SFXN1: variants seen among roughly 807,000 people sequenced by gnomAD.
SFXN1 encodes the protein sideroflexin 1.
In SFXN1, 32 loss-of-function variants were observed where a neutral mutation model predicts 39.5. The observed-to-expected ratio is 0.81, with a 90% confidence interval of 0.61 to 1.09. The LOEUF (loss-of-function observed/expected upper bound fraction) is 1.09, where lower values mean the gene tolerates loss of function less well. SFXN1 is among the 50% of genes least tolerant of loss of function. SFXN1 has a pLI of 0.00. For missense variants in SFXN1, 402 were observed against 407.1 expected, an observed-to-expected ratio of 0.99 and a Z score of 0.11; for synonymous variants, 136 against 146.5, an observed-to-expected ratio of 0.93 and a Z score of 0.52.
chr5:175,529,593 T>C lies in SFXN1; in HGVS notation c.*2859T>C, dbSNP rs955715861. On this transcript the variant is annotated 3_prime_UTR_variant, in exon 11 of 11. Coordinates refer to ENST00000321442, the MANE Select transcript of SFXN1 (RefSeq NM_022754.7). The stretch of plus-strand genomic sequence containing the variant: ...AGCTAAGTAGTTATTAATATTTCTA[T>C]TAACATGATACAAAGGATGATGATT... 2 of 152,258 alleles carry C rather than the reference T, an allele frequency of 1.3e-5. No homozygotes were observed. Among genetic ancestry groups the C allele is most frequent in the African/African-American group, 4.8e-5 (2 of 41,468 alleles). The allele number at this position is 152,258 out of a possible 1,614,324, so 9.4% of individuals were successfully genotyped here. A position where few individuals can be genotyped will look rare whatever the true frequency, so the allele number is the denominator to read the frequency against.
intron 3 of SFXN1, among the ~76,000 whole-genome samples, chr5:175,509,741 T>C (rs1401561032): frequency 6.6e-6 from 1 of 152,188 alleles, no homozygotes; most frequent in Non-Finnish European, 1.5e-5. Flanking sequence ...CATAGACATA[T>C]AGCATTGCAA....
chr5:175,505,415 T>C (rs1760250962), intron 2 of SFXN1, among the ~76,000 whole-genome samples: 1 of 151,162 alleles, frequency 6.6e-6, no homozygotes, highest in Admixed American at 6.6e-5. Context: ...CGGGTGCCTG[T>C]AATCCCAGTT....
chr5:175,494,511 G>C (rs1193441946), intron 2 of SFXN1, among the ~76,000 whole-genome samples: 1 of 152,158 alleles, frequency 6.6e-6, no homozygotes, highest in East Asian at 1.9e-4. Context: ...ACTTTGGGAG[G>C]CCAAGGTGGG....
rs1316320511 is a variant in SFXN1 at position 175,528,049 on chromosome 5, A to T, written c.*1315A>T. 3.3e-5 allele frequency: 5 copies of T among 151,358 alleles called. No individual in the cohort carries two copies. The highest frequency in any genetic ancestry group is 4.2e-4 in the South Asian group (2 of 4,786). 9.4% of individuals were successfully genotyped at this position (151,358 alleles called of 1,614,324 possible). A position where few individuals can be genotyped will look rare whatever the true frequency, so the allele number is the denominator to read the frequency against. ...GTTCTCCTGCCTCAGCCTCTCTGAGAAGCTGGGACTACAGGCGCCCGCCAC... is the reference window on the plus strand; with the variant it reads ...GTTCTCCTGCCTCAGCCTCTCTGAGTAGCTGGGACTACAGGCGCCCGCCAC... On this transcript the variant is annotated 3_prime_UTR_variant, in exon 11 of 11. Coordinates refer to ENST00000321442, the MANE Select transcript of SFXN1 (RefSeq NM_022754.7).
intron 7 of SFXN1, among the ~76,000 whole-genome samples, chr5:175,515,448 C>T (rs1760684563): frequency 6.6e-6 from 1 of 152,190 alleles, no homozygotes; most frequent in South Asian, 2.1e-4. Context: ...GAAATACAAT[C>T]TTTCTGTCCT....
intron 10 of SFXN1, chr5:175,524,114 AAAAAAAAAAAAATATATATATATATAT>A (rs1760964823): frequency 1.6e-5 from 1 of 61,964 alleles, no homozygotes; most frequent in African/African-American, 7.2e-5. Context: ...AAAAAAAAAA[AAAAAAAAAAAAATATATATATATATAT>A]ATATATATAT....
chr5:175,504,700 A>G (rs1306618545), intron 2 of SFXN1, among the ~76,000 whole-genome samples: 2 of 152,108 alleles, frequency 1.3e-5, no homozygotes, highest in Non-Finnish European at 2.9e-5. Flanking sequence ...GCAATTAGAC[A>G]TTGTTTTTTA....
chr5:175,521,594 A>G (rs1161526984), intron 8 of SFXN1, among the ~76,000 whole-genome samples: 1 of 152,144 alleles, frequency 6.6e-6, no homozygotes, highest in Non-Finnish European at 1.5e-5. Context: ...AGGCTGTCCT[A>G]CCTCCCCAGC....
intron 5 of SFXN1, among the ~76,000 whole-genome samples, chr5:175,511,865 C>G (rs1469936778): frequency 8.1e-6 from 1 of 123,746 alleles, no homozygotes; most frequent in Non-Finnish European, 1.7e-5. Flanking sequence ...CTCTCTCTCC[C>G]CACTCCAAAG....
At chr5:175,510,268 G>T (rs1760467802) in intron 4 of SFXN1, 61 bp downstream of exon 4, 5 of 1,338,956 alleles carry the variant, frequency 3.7e-6, no homozygotes, top group Non-Finnish European at 5.3e-6. Flanking sequence ...ATTAAGTGGT[G>T]ATACTCTCCT....
intron 1 of SFXN1, among the ~76,000 whole-genome samples, chr5:175,486,181 A>T (rs548526370): frequency 6.7e-6 from 1 of 149,802 alleles, no homozygotes; most frequent in South Asian, 2.1e-4. Flanking sequence ...ATTTAAAGGA[A>T]AAAAGTGGGG....
rs1485399210 is a variant in SFXN1, at chr5:175,511,287, TC to T, written c.435-163del. ...ATTGTTTATGGATCTGCTTGCTTTT[TC>T]TCTAGATTCCCCTACTTGTGGAGTG... is the stretch of plus-strand genomic sequence containing the variant. On this transcript the variant is annotated intron_variant, in intron 4 of 10. Coordinates refer to ENST00000321442, the MANE Select transcript of SFXN1 (RefSeq NM_022754.7). The T allele has an allele frequency of 2.0e-5, 12 of 592,144 alleles. No individual in the cohort carries two copies. The African/African-American group carries it at 2.3e-4, about 11-fold the overall frequency. 36.7% of individuals were successfully genotyped at this position (592,144 alleles called of 1,614,324 possible).
At position 175,513,467 on chromosome 5, in the gene SFXN1, C is replaced by T; in HGVS notation, c.601C>T (p.Leu201Phe). ...INIPLMRQRE[L>F]KVGIPVTDEN... ...TGTATGTGTTTTGCTCTGCAGGGAA[C>T]TCAAAGTTGGCATTCCCGTCACGGA... is the stretch of plus-strand genomic sequence containing the variant. Residue 201 changes from leucine to phenylalanine, a missense_variant, in exon 7 of 11, where the codon CTC becomes TTC. Physicochemically the swap from Leu to Phe is conservative, Grantham distance 22. Transcript: ENST00000321442. 1 of 1,613,762 alleles carries T rather than the reference C, an allele frequency of 6.2e-7. No individual in the cohort carries two copies.
At chr5:175,495,136 A>G (rs1270916730) in intron 2 of SFXN1, among the ~76,000 whole-genome samples, 1 of 152,240 alleles carries the variant, frequency 6.6e-6, no homozygotes, top group Non-Finnish European at 1.5e-5. Flanking sequence ...AAGGAAGGAG[A>G]TTCTGATGCA....
intron 1 of SFXN1, among the ~76,000 whole-genome samples, chr5:175,484,666 G>T (rs537362775): frequency 6.6e-6 from 1 of 152,254 alleles, no homozygotes; most frequent in Non-Finnish European, 1.5e-5. Flanking sequence ...GGCGCGTCTC[G>T]GCGCATCCTC....
chr5:175,488,736 C>T (rs543275725), intron 1 of SFXN1, among the ~76,000 whole-genome samples: 3 of 152,252 alleles, frequency 2.0e-5, no homozygotes, highest in South Asian at 2.1e-4. Flanking sequence ...CTCAATGAGA[C>T]GTGCCTTGAC....
chr5:175,494,901 A>G (rs1759801312), intron 2 of SFXN1, among the ~76,000 whole-genome samples: 1 of 152,258 alleles, frequency 6.6e-6, no homozygotes, highest in African/African-American at 2.4e-5. Context: ...ACAGTGAAAC[A>G]TGAATCACCG....
intron 1 of SFXN1, among the ~76,000 whole-genome samples, chr5:175,488,043 ACT>A (rs1371074724): frequency 6.6e-6 from 1 of 151,738 alleles, no homozygotes; most frequent in East Asian, 1.9e-4. Flanking sequence ...TTATCTCCCC[ACT>A]GTCTGTTCTC....
Position 175,491,408 on chromosome 5 carries a change from G to A in SFXN1, c.-9-687G>A, listed in dbSNP as rs369743140. On this transcript the variant is annotated intron_variant, in intron 1 of 10. Transcript: ENST00000321442. ...ATAACAGCTTTAGTAGGCGTTTGAC[G>A]TTGGTTGTTTCACTCAGAAAAATGG... 15 of 151,530 alleles carry A rather than the reference G, an allele frequency of 9.9e-5. 1 individual carries two copies. The South Asian group carries it at 1.5e-3, about 15-fold the overall frequency. The allele number at this position is 151,530 out of a possible 1,614,324, so 9.4% of individuals were successfully genotyped here.
Sources: allele counts gnomAD v4.1 joint callset (sites outside exome capture counted in the v4.1 genomes callset), GRCh38; gene constraint gnomAD v4.1.1; transcripts MANE v1.5; gene names NCBI Gene and HGNC (gene_info 2026-07-23, HGNC 2026-07-21).